ZNF493: variants seen among roughly 807,000 people sequenced by gnomAD.
ZNF493 encodes zinc finger protein 493.
In ZNF493, 11 loss-of-function variants were observed where a neutral mutation model predicts 12.2. The observed-to-expected ratio is 0.90, with a 90% CI of 0.57 to 1.50. The LOEUF (loss-of-function observed/expected upper bound fraction) is 1.50. Among genes scored for constraint, ZNF493 ranks in the 40% most tolerant of loss-of-function variants. The probability of loss-of-function intolerance (pLI) is 0.00; values close to 1 mark genes in which losing one functional copy is unlikely to be tolerated. For synonymous variants in ZNF493, 286 were observed against 302.6 expected, an observed-to-expected ratio of 0.95 and a Z score of 0.57; for missense variants, 950 against 906.6, an observed-to-expected ratio of 1.05 and a Z score of -0.61.
chr19:21,423,608 G>A lies in ZNF493; in HGVS notation c.949G>A (p.Gly317Arg). The A allele has an allele frequency of 6.2e-7, 1 of 1,608,242 alleles. No homozygotes were observed. The highest frequency in any genetic ancestry group is 8.5e-7 in the Non-Finnish European group (1 of 1,178,954). Residue 317 changes from glycine (G) to arginine (R), a missense_variant, in exon 4 of 4, where the codon GGA becomes AGA. Transcript: ENST00000392288. ...TACTGGACATAAGATAATTCATAAT[G>A]GAGAAAAACCCTATAAATGTGAAGA... ...TLTGHKIIHN[G>R]EKPYKCEECG...
At chr19:21,405,651 G>T in intron 2 of ZNF493, 110 bp from the exon 3 acceptor site, 2 of 1,109,428 alleles carry the variant, frequency 1.8e-6, no homozygotes, top group South Asian at 2.0e-5. Context: ...ATAGTATTTT[G>T]GGATAAATTT....
At chr19:21,403,559 T>C (rs1409443928) in intron 1 of ZNF493, among the ~76,000 whole-genome samples, 2 of 152,226 alleles carry the variant, frequency 1.3e-5, no homozygotes, top group Admixed American at 1.3e-4. Context: ...TAGGTGGTGC[T>C]GACTTCTTTA....
intron 1 of ZNF493, among the ~76,000 whole-genome samples, chr19:21,400,134 G>A (rs117632547): frequency 0.011 from 1,732 of 152,184 alleles, 15 homozygotes; most frequent in South Asian, 0.048. Context: ...CAACTTGGCC[G>A]GGCGCGGTGG....
intron 3 of ZNF493, among the ~76,000 whole-genome samples, chr19:21,407,220 G>A (rs1048186617): frequency 6.6e-6 from 1 of 151,934 alleles, no homozygotes; most frequent in Non-Finnish European, 1.5e-5. Flanking sequence ...GTGGCTGTGG[G>A]CACTTGTAAT....
chr19:21,402,417 T>C (rs2029979180), intron 1 of ZNF493, among the ~76,000 whole-genome samples: 1 of 152,214 alleles, frequency 6.6e-6, no homozygotes, highest in Admixed American at 6.5e-5. Flanking sequence ...TCTAATTATA[T>C]TCATGTTTCC....
intron 3 of ZNF493, among the ~76,000 whole-genome samples, chr19:21,409,736 C>A (rs1285473576): frequency 2.0e-5 from 3 of 151,796 alleles, no homozygotes; most frequent in Admixed American, 2.0e-4. Flanking sequence ...CAGAGTGAGA[C>A]CCTGTCTCAA....
At chr19:21,397,463 C>T in intron 1 of ZNF493, 196 bp downstream of exon 1, 1 of 686,258 alleles carries the variant, frequency 1.5e-6, no homozygotes, top group Non-Finnish European at 2.6e-6. Flanking sequence ...CCCCGGGCGT[C>T]CTGTCTCTTC....
chr19:21,415,787 A>G (rs529366351), intron 3 of ZNF493, among the ~76,000 whole-genome samples: 94 of 152,302 alleles, frequency 6.2e-4, no homozygotes, highest in Non-Finnish European at 1.1e-3. Context: ...CAGGAATTGT[A>G]AATGCAAACC....
At chr19:21,407,487 C>T in intron 3 of ZNF493, 2 of 240,176 alleles carry the variant, frequency 8.3e-6, no homozygotes, top group Non-Finnish European at 1.3e-5. Flanking sequence ...GACGGGGTTT[C>T]ACCGTTTTAG....
chr19:21,420,505 ACTT>A (rs2030624251), intron 3 of ZNF493, among the ~76,000 whole-genome samples: 2 of 136,178 alleles, frequency 1.5e-5, no homozygotes, highest in African/African-American at 5.5e-5. Flanking sequence ...GTGCCAATAT[ACTT>A]CTTTAGAATT....
In ZNF493 at chr19:21,423,617, C is replaced by G. The variant is rs557932954; in HGVS notation, c.958C>G (p.Pro320Ala). 4.3e-6 allele frequency: 7 copies of G among 1,609,292 alleles called. No homozygotes were observed. In the African/African-American group the frequency reaches 8.4e-5, roughly 19 times the overall value. ...GHKIIHNGEK[P>A]YKCEECGKAF... ...TAAGATAATTCATAATGGAGAAAAA[C>G]CCTATAAATGTGAAGAATGTGGCAA... is the stretch of plus-strand genomic sequence containing the variant. Residue 320 changes from proline to alanine, a missense_variant, in exon 4 of 4, where the codon CCC becomes GCC. Physicochemically the swap from Pro to Ala is conservative, Grantham distance 27 (BLOSUM62 -1). Transcript: ENST00000392288.
intron 3 of ZNF493, chr19:21,412,911 A>T: frequency 4.6e-6 from 2 of 436,300 alleles, no homozygotes; most frequent in East Asian, 1.5e-4. Context: ...CTCCTACAGC[A>T]GGCCTTATCA....
chr19:21,423,916 C>A lies in ZNF493; in HGVS notation c.1257C>A (p.His419Gln). Residue 419 changes from histidine to glutamine, a missense_variant, in exon 4 of 4, where the codon CAC becomes CAA. Physicochemically the swap from His to Gln is conservative, Grantham distance 24. Transcript: ENST00000392288. ...GCAAAGCTTATAAGGAGTCTTCACACCTTACTACACATAAAAGAATTCATA... is the reference window on the plus strand; with the variant it reads ...GCAAAGCTTATAAGGAGTCTTCACAACTTACTACACATAAAAGAATTCATA... The part of the protein sequence containing the change: ...ECGKAYKESS[H>Q]LTTHKRIHTG... 2 of 1,613,360 alleles carry A rather than the reference C, an allele frequency of 1.2e-6. No homozygotes were observed. Among genetic ancestry groups the A allele is most frequent in the Non-Finnish European group, 1.7e-6 (2 of 1,179,588 alleles).
rs776928985 is a variant in ZNF493, at chr19:21,405,205, A to T, written c.107A>T (p.Asp36Val). 3 of 1,613,894 alleles carry T rather than the reference A, an allele frequency of 1.9e-6. No individual in the cohort carries two copies. The African/African-American group carries it at 4.0e-5, about 22-fold the overall frequency. ...CAATGCCTGGACACTGCTCAGCAGG[A>T]TTTGTATAGGAAAGTGATGTTAGAG... ...EWQCLDTAQQ[D>V]LYRKVMLENY... The change falls in exon 2 of 4, where the codon GAT becomes GTT. Residue 36 changes from aspartate to valine, a missense_variant. Physicochemically the swap from Asp to Val is radical, Grantham distance 152. Transcript: ENST00000392288.
At chr19:21,421,608 A>G (rs1352438846) in intron 3 of ZNF493, among the ~76,000 whole-genome samples, 1 of 151,968 alleles carries the variant, frequency 6.6e-6, no homozygotes, top group African/African-American at 2.4e-5. Context: ...CAGGTGATCC[A>G]CCCACCTCAG....
At chr19:21,401,311 G>A (rs368321374) in intron 1 of ZNF493, among the ~76,000 whole-genome samples, 5 of 152,096 alleles carry the variant, frequency 3.3e-5, no homozygotes, top group South Asian at 2.1e-4. Context: ...CAAGTTGATC[G>A]TAGTGGATTA....
intron 1 of ZNF493, among the ~76,000 whole-genome samples, chr19:21,400,771 AGTT>A (rs1485277353): frequency 6.6e-6 from 1 of 152,190 alleles, no homozygotes; most frequent in East Asian, 1.9e-4. Context: ...CTGACCATGT[AGTT>A]GTTATTGTAC....
chr19:21,402,377 A>G (rs1031286055), intron 1 of ZNF493, among the ~76,000 whole-genome samples: 1 of 152,204 alleles, frequency 6.6e-6, no homozygotes, highest in Non-Finnish European at 1.5e-5. Context: ...TTCCAAGGTT[A>G]TAATCCTCAA....
chr19:21,422,255 C>CA (rs1463593641), intron 3 of ZNF493, among the ~76,000 whole-genome samples: 2 of 152,036 alleles, frequency 1.3e-5, no homozygotes, highest in East Asian at 3.9e-4. Context: ...TCAGCAGACT[C>CA]AAACTGTCAT....
Sources: gnomAD v4.1 joint callset for allele counts (sites outside exome capture counted in the v4.1 genomes callset) on GRCh38, gnomAD v4.1.1 for gene constraint, MANE v1.5 for transcripts, NCBI Gene and HGNC (gene_info 2026-07-23, HGNC 2026-07-21) for gene names.